The following HK3 variants were observed in gnomAD, a reference collection of about 807,000 sequenced individuals.
The protein encoded by HK3 is hexokinase 3, also known as hexokinase-3.
HK3 carries 93 observed loss-of-function variants against 91.0 expected under a neutral mutation model. The ratio of observed to expected loss-of-function variants is 1.02; its 90% CI spans 0.86 to 1.21. The LOEUF (loss-of-function observed/expected upper bound fraction) is 1.21. Among genes scored for constraint, HK3 ranks in the 50% most tolerant of loss-of-function variants. HK3 has a pLI of 0.00. For missense variants in HK3, 1,235 were observed against 1,247.4 expected, an observed-to-expected ratio of 0.99 and a Z score of 0.15; for synonymous variants, 519 against 516.9, an observed-to-expected ratio of 1.00 and a Z score of -0.06.
chr5:176,899,136 CA>C, intron 1 of HK3, 130 bp downstream of exon 1: 1 of 152,292 alleles, frequency 6.6e-6, no homozygotes, highest in Non-Finnish European at 1.5e-5. Context: ...GACCCCATCT[CA>C]AAAACAAAGA....
rs73341835 is a variant in HK3 at position 176,894,675 on chromosome 5, C to T, written c.96+1389G>A. Among the ~76,000 whole-genome samples the T allele has an allele frequency of 9.1e-3, 1,383 of 152,076 alleles. 22 individuals carry two copies. Among genetic ancestry groups the T allele is most frequent in the African/African-American group, 0.031 (1,293 of 41,474 alleles). ...AGGGGTAATGCCTCCACAATCTGGG[C>T]AACAAGCCTAGTCAAGTGGATGTCA... On this transcript the variant is annotated intron_variant, in intron 2 of 18. Transcript: ENST00000292432.
In HK3 at chr5:176,887,146, T is replaced by G. The variant is rs184205858; in HGVS notation, c.1738-25A>C. ...GCTGTGGGGCAGGACAGGTCAGGCG[T>G]AGGCACTGCTCAGCCCTTCCCCACC... On this transcript the variant is annotated intron_variant, in intron 12 of 18. Transcript: ENST00000292432. The surrounding 1 kb of genome is among the most constrained non-coding windows in gnomAD (Gnocchi z 4.9). 9.3e-6 allele frequency: 15 copies of G among 1,614,130 alleles called. No individual in the cohort carries two copies. In the African/African-American group the frequency reaches 1.5e-4, roughly 16 times the overall value.
At position 176,888,475 on chromosome 5, in the gene HK3, G is replaced by A. The variant is rs1413629363; in HGVS notation, c.1161C>T (p.Val387=). The A allele has an allele frequency of 3.9e-6, 6 of 1,553,774 alleles. No individual in the cohort carries two copies. Among genetic ancestry groups the A allele is most frequent in the Non-Finnish European group, 5.2e-6 (6 of 1,148,106 alleles). Residue 387 remains valine (V), a synonymous_variant, in exon 10 of 19, where the codon GTC becomes GTT. Coordinates refer to ENST00000292432, the MANE Select transcript of HK3 (RefSeq NM_002115.3). ...CAGCCCGCGTGCACACGGCCGCACA[G>A]ACGTGCTGCACAAGCTCAACATCCG... ...GASDVELVQH[V]CAAVCTRAAQ...
chr5:176,882,253 C>T, intron 15 of HK3, 126 bp from the exon 16 acceptor site: 2 of 1,000,500 alleles, frequency 2.0e-6, no homozygotes, highest in Non-Finnish European at 3.0e-6. Flanking sequence ...CACAGCCTGT[C>T]CCTGGTCCTG....
In HK3 at chr5:176,881,972, G is replaced by C. The variant is rs1460613215; in HGVS notation, c.2209C>G (p.Gln737Glu). ...TGCTTGCCGGGGTTGATGGACGCCT[G>C]GTCCACACTTGCATCAAAGCGGGTG... ...LSTRFDASVD[Q>E]ASINPGKQRF... Residue 737 changes from glutamine to glutamate, a missense_variant, in exon 16 of 19, where the codon CAG (glutamine) becomes GAG (glutamate). This residue lies in a region of HK3 where 513 missense variants were observed against 477.4 expected (regional missense o/e 1.07). Coordinates refer to ENST00000292432, the MANE Select transcript of HK3 (RefSeq NM_002115.3). 6.2e-7 allele frequency: 1 copy of C among 1,613,472 alleles called. No individual in the cohort carries two copies. Among genetic ancestry groups the C allele is most frequent in the African/African-American group, 1.3e-5 (1 of 74,904 alleles).
Position 176,887,784 on chromosome 5 carries a change from A to G in HK3, c.1305-38T>C, listed in dbSNP as rs771639777. On this transcript the variant is annotated intron_variant, in intron 10 of 18. Coordinates refer to ENST00000292432, the MANE Select transcript of HK3 (RefSeq NM_002115.3). The surrounding 1 kb of genome is among the most constrained non-coding windows in gnomAD (Gnocchi z 4.9). ...ACAGGTGCACCCGGCTTGGCCCTGGACCCCCAGACACACACAGGTGTGCAC... is the reference window on the plus strand; with the variant it reads ...ACAGGTGCACCCGGCTTGGCCCTGGGCCCCCAGACACACACAGGTGTGCAC... 2.0e-5 allele frequency: 31 copies of G among 1,565,388 alleles called. No homozygotes were observed. Among genetic ancestry groups the G allele is most frequent in the Non-Finnish European group, 2.6e-5 (30 of 1,151,512 alleles).
rs779179562 is a variant in HK3 at position 176,887,424 on chromosome 5, G to A, written c.1600+27C>T. 9.3e-6 allele frequency: 15 copies of A among 1,612,300 alleles called. No individual in the cohort carries two copies. Among genetic ancestry groups the A allele is most frequent in the South Asian group, 3.3e-5 (3 of 91,044 alleles). On this transcript the variant is annotated intron_variant, in intron 11 of 18. Transcript: ENST00000292432. The surrounding 1 kb of genome is among the most constrained non-coding windows in gnomAD (Gnocchi z 4.9). ...TGGGACCCCCAGGAGCCCATGTTTC[G>A]GTCCCACACTCAGGCCAGGTCCTTA... is the stretch of plus-strand genomic sequence containing the variant.
chr5:176,888,933 G>A (rs1758683075), intron 8 of HK3, 69 bp from the exon 9 acceptor site: 4 of 1,535,256 alleles, frequency 2.6e-6, no homozygotes, highest in Middle Eastern at 1.9e-4. Flanking sequence ...CTACCTCCAA[G>A]AGTTCCCAAA....
chr5:176,889,694 C>G lies in HK3; in HGVS notation c.681G>C (p.Met227Ile), dbSNP rs372726244. 10 of 1,614,104 alleles carry G rather than the reference C, an allele frequency of 6.2e-6. No homozygotes were observed. In the African/African-American group the frequency reaches 8.0e-5, roughly 13 times the overall value. Residue 227 changes from methionine (M) to isoleucine (I), a missense_variant, in exon 7 of 19, where the codon ATG (methionine) becomes ATC (isoleucine). Coordinates refer to ENST00000292432, the MANE Select transcript of HK3 (RefSeq NM_002115.3). ...VAVVNDTVGT[M>I]MGCEPGVRPC... ...GCCTGACCCCCGGCTCACAGCCCAT[C>G]ATGGTGCCCACTGTGTCGTTCACCA...
Position 176,896,181 on chromosome 5 carries a change from G to A in HK3, c.-22C>T, listed in dbSNP as rs1362536643. 11 of 1,562,160 alleles carry A rather than the reference G, an allele frequency of 7.0e-6. No individual in the cohort carries two copies. In the East Asian group the frequency reaches 2.3e-4, roughly 32 times the overall value. On this transcript the variant is annotated 5_prime_UTR_variant, in exon 2 of 19. Coordinates refer to ENST00000292432, the MANE Select transcript of HK3 (RefSeq NM_002115.3). ...CCATGAGCTTCCACAGTGGAAGGTG[G>A]CCACCTATGGGAGAAAAGGGACAAC...
Position 176,888,855 on chromosome 5 carries a change from C to A in HK3, c.924G>T (p.Lys308Asn). 6.2e-7 allele frequency: 1 copy of A among 1,613,666 alleles called. No homozygotes were observed. The highest frequency in any genetic ancestry group is 8.5e-7 in the Non-Finnish European group (1 of 1,179,738). The change falls in exon 9 of 19, where the codon AAG becomes AAT. Residue 308 changes from lysine (K) to asparagine (N), a missense_variant. Around this residue, in one of 3 missense-constraint regions of HK3, gnomAD observed 717 missense variants for 751.6 expected, o/e 0.95. Coordinates refer to ENST00000292432, the MANE Select transcript of HK3 (RefSeq NM_002115.3). ...SLNPGAQRFEKMIGGLYLGEL... is the reference protein window; with the variant it reads ...SLNPGAQRFENMIGGLYLGEL... ...CACCCAGGTACAGGCCTCCGATCAT[C>A]TTCTCAAACCTGCAGGGGGGAAGGG... is the stretch of plus-strand genomic sequence containing the variant.
At chr5:176,882,514 A>T (rs1284267300) in intron 15 of HK3, among the ~76,000 whole-genome samples, 1 of 152,182 alleles carries the variant, frequency 6.6e-6, no homozygotes, top group East Asian at 1.9e-4. Context: ...TCCAACTAAG[A>T]GGTGCTGGGC....
At position 176,895,964 on chromosome 5, in the gene HK3, G is replaced by T. The variant is rs927493814; in HGVS notation, c.96+100C>A. ...AGATATGAAAAGCTCAGTGGAAAGG[G>T]GCTGCATGGGTGAGAGCCCAGGGCC... On this transcript the variant is annotated intron_variant, in intron 2 of 18. Transcript: ENST00000292432. The T allele has an allele frequency of 1.5e-5, 14 of 916,442 alleles. No individual in the cohort carries two copies. The African/African-American group carries it at 2.1e-4, about 14-fold the overall frequency. 56.8% of individuals were successfully genotyped at this position (916,442 alleles called of 1,614,324 possible).
In HK3 at chr5:176,889,640, C is replaced by T. The variant is rs1367051534; in HGVS notation, c.730+5G>A. 6 of 1,614,202 alleles carry T rather than the reference C, an allele frequency of 3.7e-6. No individual in the cohort carries two copies. The highest frequency in any genetic ancestry group is 5.1e-6 in the Non-Finnish European group (6 of 1,180,016). ...ACCTGTCATCACAAATGGTCCATGG[C>T]TCACCTACAACTAGCCCAACCTCAC... On this transcript the variant is annotated splice_donor_5th_base_variant and intron_variant, in intron 7 of 18. Coordinates refer to ENST00000292432, the MANE Select transcript of HK3 (RefSeq NM_002115.3).
At position 176,891,657 on chromosome 5, in the gene HK3, C is replaced by T. The variant is rs1293921624; in HGVS notation, c.97-107G>A. ...GCCCTGCCCAGCCCACTCCTCGGCT[C>T]TTCATACACCCTGACTCTCTTGCCA... On this transcript the variant is annotated intron_variant, in intron 2 of 18. Coordinates refer to ENST00000292432, the MANE Select transcript of HK3 (RefSeq NM_002115.3). 4.6e-6 allele frequency: 5 copies of T among 1,092,260 alleles called. No individual in the cohort carries two copies. The East Asian group carries it at 1.2e-4, about 27-fold the overall frequency. The allele number at this position is 1,092,260 out of a possible 1,614,324, so 67.7% of individuals were successfully genotyped here. A position where few individuals can be genotyped will look rare whatever the true frequency, so the allele number is the denominator to read the frequency against.
intron 1 of HK3, among the ~76,000 whole-genome samples, chr5:176,898,467 C>A (rs932289941): frequency 1.6e-4 from 24 of 152,148 alleles, no homozygotes; most frequent in Admixed American, 1.4e-3. Flanking sequence ...GGGGCAATTA[C>A]CTTCGAAAAG....
rs760212371 is a variant in HK3, at chr5:176,888,478, G to A, written c.1158C>T (p.His386=). The change falls in exon 10 of 19, where the codon CAC becomes CAT. Residue 386 remains histidine (H), a synonymous_variant. Coordinates refer to ENST00000292432, the MANE Select transcript of HK3 (RefSeq NM_002115.3). Reference sequence around the variant, plus strand: ...CCCGCGTGCACACGGCCGCACAGACGTGCTGCACAAGCTCAACATCCGAAG... The same window carrying A: ...CCCGCGTGCACACGGCCGCACAGACATGCTGCACAAGCTCAACATCCGAAG... ...PGASDVELVQ[H]VCAAVCTRAA... 4.7e-5 allele frequency: 73 copies of A among 1,553,714 alleles called. No homozygotes were observed. Among genetic ancestry groups the A allele is most frequent in the Admixed American group, 2.0e-4 (10 of 51,184 alleles).
chr5:176,886,960 G>T lies in HK3; in HGVS notation c.1857+42C>A, dbSNP rs769749584. ...CCCACTCCATGAAGGGTATGTGGGG[G>T]CAGGAGGCCCTTGGGAATCACTTCT... On this transcript the variant is annotated intron_variant, in intron 13 of 18. Transcript: ENST00000292432. 41 of 1,610,940 alleles carry T rather than the reference G, an allele frequency of 2.5e-5. No homozygotes were observed. The Admixed American group carries it at 6.9e-4, about 27-fold the overall frequency.
intron 2 of HK3, among the ~76,000 whole-genome samples, chr5:176,894,902 G>A (rs1184510334): frequency 2.3e-5 from 3 of 132,364 alleles, no homozygotes; most frequent in Non-Finnish European, 3.2e-5. Context: ...TCGGCCTCCC[G>A]AGTGGCTGGG....
Sources: gnomAD v4.1 joint callset for allele counts (sites outside exome capture counted in the v4.1 genomes callset) on GRCh38, gnomAD v4.1.1 for gene constraint, gnomAD v4.1.1 regional missense constraint, Gnocchi (gnomAD v3.1) non-coding constraint, MANE v1.5 for transcripts, NCBI Gene and HGNC (gene_info 2026-07-23, HGNC 2026-07-21) for gene names.